SULT4A1: variants seen among roughly 807,000 people sequenced by gnomAD.
SULT4A1 encodes sulfotransferase family 4A member 1, also known as sulfotransferase 4A1.
In SULT4A1, 11 loss-of-function variants were observed where a neutral mutation model predicts 35.2. The ratio of observed to expected loss-of-function variants is 0.31; its 90% CI spans 0.20 to 0.52. The LOEUF (loss-of-function observed/expected upper bound fraction) is 0.52, where lower values mean the gene tolerates loss of function less well. SULT4A1 is among the 20% of genes least tolerant of loss of function. The pLI, the probability that SULT4A1 is intolerant of heterozygous loss-of-function variation, is 0.97. For missense variants in SULT4A1, 271 were observed against 383.7 expected, an observed-to-expected ratio of 0.71 and a Z score of 2.45; for synonymous variants, 152 against 151.8, an observed-to-expected ratio of 1.00 and a Z score of -0.01.
At chr22:43,845,704 A>C (rs961498337) in intron 1 of SULT4A1, among the ~76,000 whole-genome samples, 3 of 151,934 alleles carry the variant, frequency 2.0e-5, no homozygotes, top group African/African-American at 7.3e-5. Context: ...GCACAGGAGG[A>C]GGCGAGCACT....
At position 43,838,997 on chromosome 22, in the gene SULT4A1, T is replaced by C. The variant is rs1275135640; in HGVS notation, c.382-4A>G. The C allele has an allele frequency of 1.2e-6, 2 of 1,613,984 alleles. No individual in the cohort carries two copies. The highest frequency in any genetic ancestry group is 2.7e-5 in the African/African-American group (2 of 75,064). Reference sequence around the variant, plus strand: ...GGTTGCGAGCCATATAGATGACCTGTGGGTGACAGGAGCAGGATGAGTCCG... The same window carrying C: ...GGTTGCGAGCCATATAGATGACCTGCGGGTGACAGGAGCAGGATGAGTCCG... On this transcript the variant is annotated splice_polypyrimidine_tract_variant and splice_region_variant and intron_variant, in intron 3 of 6. Coordinates refer to ENST00000330884, the MANE Select transcript of SULT4A1 (RefSeq NM_014351.4).
intron 1 of SULT4A1, among the ~76,000 whole-genome samples, chr22:43,858,303 C>T (rs1032096033): frequency 1.3e-5 from 2 of 152,144 alleles, no homozygotes; most frequent in African/African-American, 4.8e-5. Context: ...GCTGTGCTCC[C>T]AGCAGCCCCA....
At chr22:43,850,048 C>T (rs1039405966) in intron 1 of SULT4A1, among the ~76,000 whole-genome samples, 2 of 152,236 alleles carry the variant, frequency 1.3e-5, no homozygotes, top group Non-Finnish European at 2.9e-5. Flanking sequence ...GACTCCAGCA[C>T]TCGTGTACTC....
Position 43,842,073 on chromosome 22 carries a change from C to T in SULT4A1, c.170-141G>A, listed in dbSNP as rs1288492475. ...GGGCGACTGAGTCTGGGAAGAGGAGCGCGCCCCGCACGGTCTCAGCCTGAA... is the reference window on the plus strand; with the variant it reads ...GGGCGACTGAGTCTGGGAAGAGGAGTGCGCCCCGCACGGTCTCAGCCTGAA... On this transcript the variant is annotated intron_variant, in intron 1 of 6. Transcript: ENST00000330884. The T allele has an allele frequency of 9.8e-6, 13 of 1,332,468 alleles. 1 individual carries two copies. In the South Asian group the frequency reaches 1.1e-4, roughly 11 times the overall value. 82.5% of individuals were successfully genotyped at this position (1,332,468 alleles called of 1,614,324 possible).
At chr22:43,829,528 G>A (rs1273522081) in intron 5 of SULT4A1, among the ~76,000 whole-genome samples, 2 of 152,226 alleles carry the variant, frequency 1.3e-5, no homozygotes, top group African/African-American at 4.8e-5. Context: ...CTTGTGAGGA[G>A]CAAGACCTAA....
At chr22:43,856,114 T>C (rs192777615) in intron 1 of SULT4A1, among the ~76,000 whole-genome samples, 19 of 151,668 alleles carry the variant, frequency 1.3e-4, no homozygotes, top group East Asian at 1.2e-3. Context: ...GGAGAAAGAG[T>C]TGGGGGCAGC....
chr22:43,847,112 C>T (rs2063481708), intron 1 of SULT4A1, among the ~76,000 whole-genome samples: 1 of 152,126 alleles, frequency 6.6e-6, no homozygotes, highest in Admixed American at 6.5e-5. Context: ...CATCAATTTC[C>T]TGGTTGAACA....
At chr22:43,842,890 C>T (rs1227130066) in intron 1 of SULT4A1, among the ~76,000 whole-genome samples, 1 of 152,082 alleles carries the variant, frequency 6.6e-6, no homozygotes, top group Non-Finnish European at 1.5e-5. Context: ...TGGCTCCTGG[C>T]TCATTATCCC....
chr22:43,852,869 T>A (rs2049357789), intron 1 of SULT4A1, among the ~76,000 whole-genome samples: 1 of 151,560 alleles, frequency 6.6e-6, no homozygotes, highest in South Asian at 2.1e-4. Context: ...CCCTTGGGTC[T>A]CACCCACCTC....
chr22:43,834,195 G>T (rs1170089767), intron 4 of SULT4A1, among the ~76,000 whole-genome samples: 1 of 152,110 alleles, frequency 6.6e-6, no homozygotes, highest in South Asian at 2.1e-4. Context: ...TCAGTAAATC[G>T]AGGAACTCTC....
chr22:43,832,501 C>T (rs1796388395), intron 5 of SULT4A1, among the ~76,000 whole-genome samples: 1 of 152,138 alleles, frequency 6.6e-6, no homozygotes, highest in Non-Finnish European at 1.5e-5. Flanking sequence ...TGACCACAGG[C>T]CCCAGTGTGT....
At chr22:43,855,509 G>A (rs756097507) in intron 1 of SULT4A1, among the ~76,000 whole-genome samples, 44 of 152,050 alleles carry the variant, frequency 2.9e-4, no homozygotes, top group Admixed American at 1.5e-3. Flanking sequence ...TGGCTCACCA[G>A]CCCCCACAAA....
At chr22:43,832,552 G>GCACA (rs1373497445) in intron 5 of SULT4A1, among the ~76,000 whole-genome samples, 4 of 151,988 alleles carry the variant, frequency 2.6e-5, no homozygotes, top group Admixed American at 2.6e-4. Context: ...GAAACGCAAG[G>GCACA]CACACCCCCA....
chr22:43,857,330 A>G (rs1290982429), intron 1 of SULT4A1, among the ~76,000 whole-genome samples: 2 of 146,092 alleles, frequency 1.4e-5, no homozygotes, highest in Admixed American at 1.4e-4. Context: ...TAAGCCCAGG[A>G]ATTCTAGGCC....
intron 1 of SULT4A1, 107 bp downstream of exon 1, chr22:43,862,107 G>A (rs2049477561): frequency 1.2e-6 from 1 of 836,886 alleles, no homozygotes; most frequent in African/African-American, 1.9e-5. Flanking sequence ...GGAGGCCAAG[G>A]GCGACCACCC....
At chr22:43,862,185 G>A in intron 1 of SULT4A1, 29 bp downstream of exon 1, 5 of 1,467,786 alleles carry the variant, frequency 3.4e-6, no homozygotes, top group Non-Finnish European at 2.7e-6. Context: ...GGGGCATGGC[G>A]TGGCGGGCGC....
intron 1 of SULT4A1, among the ~76,000 whole-genome samples, chr22:43,859,620 C>T (rs532224892): frequency 3.1e-4 from 47 of 152,350 alleles, no homozygotes; most frequent in Non-Finnish European, 5.9e-4. Context: ...GGACCAACTA[C>T]GCTGTAAGAA....
chr22:43,857,633 C>T (rs560147586), intron 1 of SULT4A1, among the ~76,000 whole-genome samples: 20 of 152,180 alleles, frequency 1.3e-4, no homozygotes, highest in African/African-American at 4.6e-4. Flanking sequence ...ATACAAAAAC[C>T]CTAGACATAC....
At chr22:43,834,189 TA>T (rs1466369121) in intron 4 of SULT4A1, among the ~76,000 whole-genome samples, 1 of 152,072 alleles carries the variant, frequency 6.6e-6, no homozygotes, top group African/African-American at 2.4e-5. Flanking sequence ...GTAGCCTCAG[TA>T]AATCGAGGAA....
Sources: gnomAD v4.1 joint callset for allele counts (sites outside exome capture counted in the v4.1 genomes callset) on GRCh38, gnomAD v4.1.1 for gene constraint, MANE v1.5 for transcripts, NCBI Gene and HGNC (gene_info 2026-07-23, HGNC 2026-07-21) for gene names.